The following VAMP4 variants were observed in gnomAD, a reference collection of about 807,000 sequenced individuals.
VAMP4 encodes vesicle associated membrane protein 4, also known as vesicle-associated membrane protein 4.
A neutral mutation model predicts 23.5 loss-of-function variants in VAMP4; 19 were observed. The ratio of observed to expected loss-of-function variants is 0.81; its 90% CI spans 0.56 to 1.19. The LOEUF is 1.19. VAMP4 is among the 50% of genes most tolerant of loss of function. VAMP4 has a pLI of 0.00. For missense variants in VAMP4, 145 were observed against 168.6 expected (o/e 0.86, Z 0.78); for synonymous variants, 31 against 51.0 (o/e 0.61, Z 1.67).
rs1035219018 is a variant in VAMP4, at chr1:171,721,000, C to T, written c.114-1779G>A. On this transcript the variant is annotated intron_variant, in intron 3 of 7. Coordinates refer to ENST00000236192, the MANE Select transcript of VAMP4 (RefSeq NM_003762.5). ...AGGGTTCATATCACAAATGCAACGA[C>T]GGTTTAAAATTTCAAAATCAACATA... 5.3e-5 allele frequency among the ~76,000 whole-genome samples: 8 copies of T among 151,922 alleles called. No individual in the cohort carries two copies. In the South Asian group the frequency reaches 6.2e-4, roughly 12 times the overall value.
At chr1:171,718,210 T>C (rs1655080140) in intron 4 of VAMP4, among the ~76,000 whole-genome samples, 1 of 152,174 alleles carries the variant, frequency 6.6e-6, no homozygotes, top group Non-Finnish European at 1.5e-5. Flanking sequence ...TAGTTAGAAT[T>C]AGGCTAAGTA....
At chr1:171,734,890 C>A in intron 2 of VAMP4, among the ~76,000 whole-genome samples, 1 of 152,150 alleles carries the variant, frequency 6.6e-6, no homozygotes, top group East Asian at 1.9e-4. Flanking sequence ...AAAATGTATT[C>A]ATAAAGCTTA....
At chr1:171,717,673 T>C (rs1187145692) in intron 4 of VAMP4, among the ~76,000 whole-genome samples, 1 of 152,050 alleles carries the variant, frequency 6.6e-6, no homozygotes, top group Non-Finnish European at 1.5e-5. Context: ...GTCTCAAAAC[T>C]TTTGGCTTCA....
rs1005977577 is a variant in VAMP4 at position 171,711,986 on chromosome 1, C to T, written c.165-1172G>A. On this transcript the variant is annotated intron_variant, in intron 4 of 7. Coordinates refer to ENST00000236192, the MANE Select transcript of VAMP4 (RefSeq NM_003762.5). The stretch of plus-strand genomic sequence containing the variant: ...GTATTCAGTGCAGTCACATGCTGTA[C>T]GGGTTTGTAGCTTAGGAGCTATAAG... Among the ~76,000 whole-genome samples, 5 of 152,146 alleles carry T rather than the reference C, an allele frequency of 3.3e-5. No homozygotes were observed. In the South Asian group the frequency reaches 8.3e-4, roughly 25 times the overall value.
Position 171,700,835 on chromosome 1 carries a change from A to G in VAMP4, c.*3671T>C, listed in dbSNP as rs1654405850. On this transcript the variant is annotated 3_prime_UTR_variant, in exon 8 of 8. Transcript: ENST00000236192. ...AACATGGTGTGGTGCTTACTTTAACAAGCTTACATTTATCCCCTGTAATTG... is the reference window on the plus strand; with the variant it reads ...AACATGGTGTGGTGCTTACTTTAACGAGCTTACATTTATCCCCTGTAATTG... 6.6e-5 allele frequency: 10 copies of G among 152,172 alleles called. No individual in the cohort carries two copies. In the South Asian group the frequency reaches 2.1e-3, roughly 31 times the overall value. 9.4% of individuals were successfully genotyped at this position (152,172 alleles called of 1,614,324 possible).
In VAMP4 at chr1:171,701,620, C is replaced by T. The variant is rs935702282; in HGVS notation, c.*2886G>A. 1.3e-5 allele frequency: 2 copies of T among 152,140 alleles called. No individual in the cohort carries two copies. The highest frequency in any genetic ancestry group is 1.3e-4 in the Admixed American group (2 of 15,270). The allele number at this position is 152,140 out of a possible 1,614,324, so 9.4% of individuals were successfully genotyped here. On this transcript the variant is annotated 3_prime_UTR_variant, in exon 8 of 8. Transcript: ENST00000236192. ...TCCTAATACAGACTATTGAAATGCA[C>T]AGAAAGACTACAATAGGCAATCTAT... is the stretch of plus-strand genomic sequence containing the variant.
chr1:171,721,013 C>T (rs1197965500), intron 3 of VAMP4, among the ~76,000 whole-genome samples: 2 of 152,004 alleles, frequency 1.3e-5, no homozygotes, highest in Non-Finnish European at 2.9e-5. Flanking sequence ...TTTAAAATTT[C>T]AAAATCAACA....
intron 6 of VAMP4, among the ~76,000 whole-genome samples, chr1:171,707,416 C>T (rs1337370271): frequency 6.6e-6 from 1 of 152,154 alleles, no homozygotes; most frequent in African/African-American, 2.4e-5. Context: ...AACAAGTTTC[C>T]TCATGACCTG....
intron 6 of VAMP4, among the ~76,000 whole-genome samples, chr1:171,706,625 A>T (rs1345074990): frequency 6.6e-6 from 1 of 152,144 alleles, no homozygotes; most frequent in Non-Finnish European, 1.5e-5. Flanking sequence ...CTCAAAATGG[A>T]GATAAAAATG....
At chr1:171,741,509 C>A (rs998966523) in intron 1 of VAMP4, among the ~76,000 whole-genome samples, 3 of 151,518 alleles carry the variant, frequency 2.0e-5, no homozygotes, top group African/African-American at 4.9e-5. Context: ...GTTCACCCCC[C>A]ACACCCAATC....
chr1:171,740,941 C>T (rs527270060), intron 1 of VAMP4, among the ~76,000 whole-genome samples: 133 of 152,284 alleles, frequency 8.7e-4, no homozygotes, highest in African/African-American at 3.1e-3. Flanking sequence ...ATGTTATTTG[C>T]AACTGATTAT....
intron 3 of VAMP4, among the ~76,000 whole-genome samples, chr1:171,728,123 A>G (rs931810662): frequency 3.3e-5 from 5 of 152,230 alleles, no homozygotes; most frequent in African/African-American, 1.2e-4. Context: ...TAAACAATTC[A>G]TAAGTTTTAA....
At chr1:171,706,298 T>G in intron 7 of VAMP4, 69 bp downstream of exon 7, 2 of 1,469,174 alleles carry the variant, frequency 1.4e-6, no homozygotes, top group Non-Finnish European at 1.9e-6. Context: ...CAACTGAAAA[T>G]AAAAGGGAAT....
At chr1:171,714,160 AC>A (rs1233557544) in intron 4 of VAMP4, among the ~76,000 whole-genome samples, 1 of 152,190 alleles carries the variant, frequency 6.6e-6, no homozygotes, top group Non-Finnish European at 1.5e-5. Context: ...ATGTTTCCCT[AC>A]CCAGAACACA....
chr1:171,708,037 T>C (rs11583530), intron 6 of VAMP4, among the ~76,000 whole-genome samples: 53,883 of 151,890 alleles, frequency 0.35, 10,031 homozygotes, highest in African/African-American at 0.47. Flanking sequence ...TGGTGGCTCA[T>C]GCCTGTAATC....
intron 2 of VAMP4, among the ~76,000 whole-genome samples, chr1:171,733,428 C>T (rs1467303705): frequency 6.6e-6 from 1 of 151,934 alleles, no homozygotes; most frequent in Non-Finnish European, 1.5e-5. Context: ...CCACTGCATT[C>T]CAGCCTGGGT....
intron 3 of VAMP4, among the ~76,000 whole-genome samples, chr1:171,727,400 A>C (rs1194952883): frequency 1.3e-5 from 2 of 152,242 alleles, no homozygotes; most frequent in Non-Finnish European, 2.9e-5. Context: ...AATGCAAATT[A>C]AAACCACAAC....
chr1:171,723,050 A>G (rs913826152), intron 3 of VAMP4, among the ~76,000 whole-genome samples: 7 of 152,136 alleles, frequency 4.6e-5, no homozygotes, highest in African/African-American at 1.7e-4. Context: ...TGTCTGGGGG[A>G]GACATCACGT....
intron 3 of VAMP4, among the ~76,000 whole-genome samples, chr1:171,721,154 C>T (rs556279141): frequency 5.3e-5 from 8 of 152,138 alleles, no homozygotes; most frequent in African/African-American, 1.9e-4. Flanking sequence ...ACTTCTTCAA[C>T]CTGATAAATC....
Sources: allele counts gnomAD v4.1 joint callset (sites outside exome capture counted in the v4.1 genomes callset), GRCh38; gene constraint gnomAD v4.1.1; transcripts MANE v1.5; gene names NCBI Gene and HGNC (gene_info 2026-07-23, HGNC 2026-07-21).